The following TMTC2 variants were observed in gnomAD, a reference collection of about 807,000 sequenced individuals.
TMTC2 encodes the protein protein O-mannosyl-transferase TMTC2.
A neutral mutation model predicts 82.4 loss-of-function variants in TMTC2; 43 were observed. The observed-to-expected ratio is 0.52, with a 90% confidence interval of 0.41 to 0.67. The LOEUF is 0.67. TMTC2 is among the 30% of genes least tolerant of loss of function. The pLI is 0.00. For missense variants in TMTC2, 919 were observed against 1,012.4 expected (o/e 0.91, Z 1.25); for synonymous variants, 408 against 381.9 (o/e 1.07, Z -0.80).
At chr12:82,981,946 A>G (rs774887938) in intron 7 of TMTC2, among the ~76,000 whole-genome samples, 1 of 151,538 alleles carries the variant, frequency 6.6e-6, no homozygotes, top group South Asian at 2.1e-4. Context: ...GTATTTGTGT[A>G]GAATGGTATA....
At chr12:82,837,443 AAAAAC>A (rs1870109594) in intron 1 of TMTC2, among the ~76,000 whole-genome samples, 1 of 152,192 alleles carries the variant, frequency 6.6e-6, no homozygotes, top group African/African-American at 2.4e-5. Context: ...CCCTGTCTCT[AAAAAC>A]AAAACAAAAA....
chr12:82,783,290 CTGTG>C (rs72110651), intron 1 of TMTC2, among the ~76,000 whole-genome samples: 1,355 of 119,322 alleles, frequency 0.011, 28 homozygotes, highest in African/African-American at 0.041. Flanking sequence ...GTATATGCCT[CTGTG>C]TGTGTGTGTG....
chr12:82,824,675 A>G (rs978278649), intron 1 of TMTC2, among the ~76,000 whole-genome samples: 6 of 152,342 alleles, frequency 3.9e-5, no homozygotes, highest in African/African-American at 1.4e-4. Flanking sequence ...TGTTAGAAAT[A>G]AATGCTGTAG....
intron 8 of TMTC2, among the ~76,000 whole-genome samples, chr12:83,011,743 C>A (rs1373456726): frequency 6.6e-6 from 1 of 152,182 alleles, no homozygotes; most frequent in East Asian, 1.9e-4. Context: ...AAAACACTTT[C>A]TCTTTCATAA....
chr12:83,081,567 G>T (rs1216391908), intron 11 of TMTC2, among the ~76,000 whole-genome samples: 1 of 152,054 alleles, frequency 6.6e-6, no homozygotes, highest in Non-Finnish European at 1.5e-5. Flanking sequence ...TGTTTATTTT[G>T]ATAAATCTAG....
intron 1 of TMTC2, among the ~76,000 whole-genome samples, chr12:82,705,029 G>A (rs1339291719): frequency 6.6e-6 from 1 of 152,172 alleles, no homozygotes; most frequent in Non-Finnish European, 1.5e-5. Flanking sequence ...TGAATTAATG[G>A]CATTCGCAGT....
intron 11 of TMTC2, among the ~76,000 whole-genome samples, chr12:83,124,817 C>T (rs768017893): frequency 9.9e-5 from 15 of 151,562 alleles, no homozygotes; most frequent in Non-Finnish European, 1.6e-4. Context: ...ACATGATTTG[C>T]GTTTTAGAAA....
chr12:82,725,149 C>CA lies in TMTC2; in HGVS notation c.83+37487dup, dbSNP rs1175282808. Among the ~76,000 whole-genome samples the CA allele has an allele frequency of 3.3e-5, 5 of 150,962 alleles. No individual in the cohort carries two copies. The South Asian group carries it at 6.3e-4, about 19-fold the overall frequency. Reference sequence around the variant, plus strand: ...TTTTTAAAAAGTCTTAAAAAAAAAACAAAAAAACTATCAGTAGAGAATATT... The same window carrying CA: ...TTTTTAAAAAGTCTTAAAAAAAAAACAAAAAAAACTATCAGTAGAGAATATT... On this transcript the variant is annotated intron_variant, in intron 1 of 11. Transcript: ENST00000321196.
At chr12:82,732,086 G>T (rs1874844758) in intron 1 of TMTC2, among the ~76,000 whole-genome samples, 1 of 152,144 alleles carries the variant, frequency 6.6e-6, no homozygotes, top group Admixed American at 6.5e-5. Context: ...ACTAAGAATT[G>T]TTAAAATGTT....
chr12:82,891,422 C>A (rs988945179), intron 2 of TMTC2, among the ~76,000 whole-genome samples: 2 of 152,126 alleles, frequency 1.3e-5, no homozygotes, highest in Non-Finnish European at 2.9e-5. Context: ...GATTCTGCTG[C>A]CTCAGCCTTC....
intron 9 of TMTC2, among the ~76,000 whole-genome samples, chr12:83,041,299 A>G (rs1021728831): frequency 1.3e-5 from 2 of 152,172 alleles, no homozygotes; most frequent in African/African-American, 4.8e-5. Flanking sequence ...TGGATTTGGA[A>G]CAAGGCACAC....
intron 2 of TMTC2, among the ~76,000 whole-genome samples, chr12:82,864,805 T>C (rs534416698): frequency 6.6e-6 from 1 of 151,696 alleles, no homozygotes; most frequent in Non-Finnish European, 1.5e-5. Flanking sequence ...CCGGCCTACA[T>C]TTTTTATCAT....
chr12:82,849,930 T>A (rs754483996), intron 1 of TMTC2, among the ~76,000 whole-genome samples: 7 of 152,130 alleles, frequency 4.6e-5, no homozygotes, highest in Admixed American at 6.5e-5. Context: ...AAAATTTCAT[T>A]CTTAAAAGAA....
In TMTC2 at chr12:82,705,954, C is replaced by A. The variant is rs11115351; in HGVS notation, c.83+18285C>A. Among the ~76,000 whole-genome samples, 461 of 152,184 alleles carry A rather than the reference C, an allele frequency of 3.0e-3. 3 individuals carry two copies. The highest frequency in any genetic ancestry group is 0.011 in the African/African-American group (450 of 41,508). On this transcript the variant is annotated intron_variant, in intron 1 of 11. Transcript: ENST00000321196. The stretch of plus-strand genomic sequence containing the variant: ...ACCCAGACTGGGAGGGAAGGAGGCA[C>A]TTGTGAGATGCTTATGCTTGAACTG...
intron 8 of TMTC2, among the ~76,000 whole-genome samples, chr12:83,030,312 TG>T (rs1359291707): frequency 6.6e-6 from 1 of 152,176 alleles, no homozygotes; most frequent in African/African-American, 2.4e-5. Context: ...AAAGGAGGAA[TG>T]ACTGTGTAAT....
intron 10 of TMTC2, among the ~76,000 whole-genome samples, chr12:83,057,336 A>T (rs2137466058): frequency 6.6e-6 from 1 of 151,988 alleles, no homozygotes; most frequent in East Asian, 1.9e-4. Context: ...TCTTATTGCT[A>T]CACTTTTTCT....
intron 9 of TMTC2, among the ~76,000 whole-genome samples, chr12:83,049,267 T>A (rs1304446764): frequency 6.6e-6 from 1 of 152,122 alleles, no homozygotes; most frequent in Non-Finnish European, 1.5e-5. Context: ...ATCACTCTAG[T>A]AATAAGTATA....
intron 7 of TMTC2, among the ~76,000 whole-genome samples, chr12:82,977,440 A>AT (rs1272971073): frequency 6.6e-6 from 1 of 151,884 alleles, no homozygotes; most frequent in Admixed American, 6.6e-5. Context: ...ATAATAACAA[A>AT]TTATTTAAGG....
rs552714342 is a variant in TMTC2 at position 82,945,428 on chromosome 12, A to G, written c.1598+14883A>G. Among the ~76,000 whole-genome samples the G allele has an allele frequency of 1.8e-4, 27 of 152,310 alleles. No individual in the cohort carries two copies. In the East Asian group the frequency reaches 4.6e-3, roughly 26 times the overall value. On this transcript the variant is annotated intron_variant, in intron 4 of 11. Coordinates refer to ENST00000321196, the MANE Select transcript of TMTC2 (RefSeq NM_152588.3). ...ACTGTAGGTAAATTTGAGGGCATAT[A>G]TTAGAAAACCCATAAAAGAGGTTTA... is the stretch of plus-strand genomic sequence containing the variant.
Sources: allele counts gnomAD v4.1 joint callset (sites outside exome capture counted in the v4.1 genomes callset), GRCh38; gene constraint gnomAD v4.1.1; transcripts MANE v1.5; gene names NCBI Gene and HGNC (gene_info 2026-07-23, HGNC 2026-07-21).